The following KALRN variants were observed in gnomAD, a reference collection of about 807,000 sequenced individuals.
The protein encoded by KALRN is kalirin RhoGEF kinase, also known as kalirin.
A neutral mutation model predicts 353.7 loss-of-function variants in KALRN; 70 were observed. The ratio of observed to expected loss-of-function variants is 0.20; its 90% confidence interval spans 0.16 to 0.24. The LOEUF (loss-of-function observed/expected upper bound fraction) is 0.24, where lower values mean the gene tolerates loss of function less well. Among genes scored for constraint, KALRN ranks in the 10% least tolerant of loss-of-function variants. The probability of loss-of-function intolerance (pLI) is 1.00; values close to 1 mark genes in which losing one functional copy is unlikely to be tolerated. For missense variants in KALRN, 2,791 were observed against 3,756.7 expected, an observed-to-expected ratio of 0.74 and a Z score of 6.72; for synonymous variants, 1,391 against 1,434.8, an observed-to-expected ratio of 0.97 and a Z score of 0.69.
chr3:124,379,841 T>C (rs190664690), intron 10 of KALRN, among the ~76,000 whole-genome samples: 8 of 152,366 alleles, frequency 5.3e-5, no homozygotes, highest in Admixed American at 2.0e-4. Flanking sequence ...TAAAGTACTA[T>C]TCAAATGTAA....
chr3:124,124,235 C>CCCTCA (rs2064367236), intron 1 of KALRN, among the ~76,000 whole-genome samples: 2 of 152,120 alleles, frequency 1.3e-5, no homozygotes, highest in South Asian at 4.1e-4. Flanking sequence ...TTGATTCCAG[C>CCCTCA]CCTCATGGAT....
chr3:124,035,898 G>T (rs2039367264), intron 1 of KALRN, among the ~76,000 whole-genome samples: 1 of 152,186 alleles, frequency 6.6e-6, no homozygotes, highest in South Asian at 2.1e-4. Flanking sequence ...GGTGCATGAG[G>T]CTGGAAATGA....
rs2076111632 is a variant in KALRN at position 124,288,081 on chromosome 3, G to A, written c.970-10710G>A. 2.0e-5 allele frequency among the ~76,000 whole-genome samples: 3 copies of A among 151,842 alleles called. No homozygotes were observed. The South Asian group carries it at 6.2e-4, about 32-fold the overall frequency. On this transcript the variant is annotated intron_variant, in intron 5 of 59. Transcript: ENST00000682506. ...TTAGAGATGGGGTTTCGCCTTGTTG[G>A]CCAGGCTGGTCTCGAGCTCCTGACC...
chr3:124,623,427 C>CACACA (rs139583497), intron 34 of KALRN, among the ~76,000 whole-genome samples: 1 of 147,016 alleles, frequency 6.8e-6, no homozygotes, highest in Non-Finnish European at 1.5e-5. Flanking sequence ...CACACACACA[C>CACACA]AAAAGGGAGT....
chr3:124,531,758 C>G (rs867334706), intron 33 of KALRN, among the ~76,000 whole-genome samples: 1 of 152,140 alleles, frequency 6.6e-6, no homozygotes. Flanking sequence ...CTCCCTGATC[C>G]AGTCACTTCC....
At chr3:124,611,120 G>T (rs564192530) in intron 34 of KALRN, among the ~76,000 whole-genome samples, 2 of 152,294 alleles carry the variant, frequency 1.3e-5, no homozygotes, top group South Asian at 4.1e-4. Flanking sequence ...GTGGAGGTGG[G>T]TGTTGTAGTT....
At chr3:124,225,650 G>A (rs2078395938) in intron 1 of KALRN, among the ~76,000 whole-genome samples, 1 of 152,242 alleles carries the variant, frequency 6.6e-6, no homozygotes, top group Non-Finnish European at 1.5e-5. Context: ...ATGAGTGGGT[G>A]TGATGGATGA....
chr3:124,252,676 C>T (rs1189608417), intron 3 of KALRN, among the ~76,000 whole-genome samples: 1 of 152,178 alleles, frequency 6.6e-6, no homozygotes, highest in Non-Finnish European at 1.5e-5. Context: ...GGGTGACTTC[C>T]AGTACAAACA....
At chr3:124,100,222 G>GTTGTT (rs754058197) in intron 1 of KALRN, 6 of 152,104 alleles carry the variant, frequency 3.9e-5, no homozygotes, top group South Asian at 2.1e-4. Context: ...GATTATTTGG[G>GTTGTT]TTGTTTTGTT....
chr3:124,684,666 CTT>C (rs2061479948), intron 51 of KALRN, among the ~76,000 whole-genome samples: 1 of 152,210 alleles, frequency 6.6e-6, no homozygotes, highest in Non-Finnish European at 1.5e-5. Flanking sequence ...TAACAAAGGA[CTT>C]TGCTCTCCAG....
At chr3:124,066,678 C>A (rs1014864856) in intron 1 of KALRN, among the ~76,000 whole-genome samples, 3 of 152,174 alleles carry the variant, frequency 2.0e-5, no homozygotes, top group African/African-American at 7.2e-5. Flanking sequence ...TTATCTCCTG[C>A]CACAGCTTTT....
chr3:124,275,920 A>G (rs570328612), intron 5 of KALRN, among the ~76,000 whole-genome samples: 1 of 152,220 alleles, frequency 6.6e-6, no homozygotes, highest in East Asian at 1.9e-4. Context: ...CAGGGTGGGG[A>G]CATCCTCCAC....
intron 33 of KALRN, among the ~76,000 whole-genome samples, chr3:124,542,711 T>A (rs148932471): frequency 1.3e-5 from 2 of 152,296 alleles, no homozygotes; most frequent in Non-Finnish European, 2.9e-5. Context: ...CCAAACTCCC[T>A]TTATGTGCAG....
intron 25 of KALRN, among the ~76,000 whole-genome samples, chr3:124,468,285 T>C (rs2060538030): frequency 6.6e-6 from 1 of 152,218 alleles, no homozygotes; most frequent in Non-Finnish European, 1.5e-5. Context: ...TTCCTCCTCC[T>C]CTTTTTTAAA....
At chr3:124,039,139 G>A (rs146950106) in intron 1 of KALRN, among the ~76,000 whole-genome samples, 2 of 152,258 alleles carry the variant, frequency 1.3e-5, no homozygotes, top group African/African-American at 4.8e-5. Flanking sequence ...GTCAAGTGTC[G>A]GCCTCACAGC....
intron 6 of KALRN, among the ~76,000 whole-genome samples, chr3:124,324,143 C>T (rs62262826): frequency 0.025 from 3,784 of 152,274 alleles, 58 homozygotes; most frequent in South Asian, 0.056. Context: ...ACCCCAGTTG[C>T]TCATAGAACT....
At chr3:124,665,412 A>G (rs964006849) in intron 45 of KALRN, among the ~76,000 whole-genome samples, 3 of 152,210 alleles carry the variant, frequency 2.0e-5, no homozygotes, top group South Asian at 2.1e-4. Context: ...CAGGTGGCCT[A>G]GTAGCTGGAA....
intron 14 of KALRN, among the ~76,000 whole-genome samples, chr3:124,418,814 T>C (rs546366573): frequency 4.6e-5 from 7 of 152,272 alleles, no homozygotes; most frequent in Admixed American, 4.6e-4. Flanking sequence ...TCTTTTCCAG[T>C]GGTTCATAAT....
chr3:124,214,686 T>C (rs930958272), intron 1 of KALRN, among the ~76,000 whole-genome samples: 6 of 152,204 alleles, frequency 3.9e-5, no homozygotes, highest in African/African-American at 1.2e-4. Flanking sequence ...ACATTTATTC[T>C]ACATGTAGCA....
Sources: allele counts gnomAD v4.1 joint callset (sites outside exome capture counted in the v4.1 genomes callset), GRCh38; gene constraint gnomAD v4.1.1; transcripts MANE v1.5; gene names NCBI Gene and HGNC (gene_info 2026-07-23, HGNC 2026-07-21).